The following PIK3C2G variants were observed in gnomAD, a reference collection of about 807,000 sequenced individuals.
PIK3C2G encodes phosphatidylinositol-4-phosphate 3-kinase catalytic subunit type 2 gamma.
PIK3C2G carries 168 observed loss-of-function variants against 181.1 expected under a neutral mutation model. That is an observed-to-expected ratio of 0.93 (90% CI 0.82 to 1.05). The LOEUF (loss-of-function observed/expected upper bound fraction) is 1.05. PIK3C2G is among the 50% of genes least tolerant of loss of function. The pLI is 0.00. For missense variants in PIK3C2G, 1,869 were observed against 1,732.8 expected (o/e 1.08, Z -1.40); for synonymous variants, 573 against 592.2 (o/e 0.97, Z 0.47).
intron 15 of PIK3C2G, among the ~76,000 whole-genome samples, chr12:18,395,317 C>A (rs1943812272): frequency 6.9e-6 from 1 of 144,716 alleles, no homozygotes. Flanking sequence ...TAAATACAGG[C>A]CTCTCATCAA....
At chr12:18,293,545 G>A (rs1261243585) in intron 4 of PIK3C2G, among the ~76,000 whole-genome samples, 1 of 152,044 alleles carries the variant, frequency 6.6e-6, no homozygotes, top group Admixed American at 6.6e-5. Context: ...TGGAACTTTT[G>A]CCTGGCTATA....
At chr12:18,480,227 C>T (rs1346838169) in intron 18 of PIK3C2G, among the ~76,000 whole-genome samples, 5 of 152,100 alleles carry the variant, frequency 3.3e-5, no homozygotes, top group Non-Finnish European at 7.4e-5. Context: ...AATTAACAAG[C>T]ATATACGGAG....
intron 24 of PIK3C2G, among the ~76,000 whole-genome samples, chr12:18,515,950 T>G (rs1265456803): frequency 6.6e-6 from 1 of 152,086 alleles, no homozygotes; most frequent in East Asian, 1.9e-4. Flanking sequence ...TTAAATTTTC[T>G]ATTTAACTTT....
At chr12:18,388,200 G>A (rs1019070824) in intron 14 of PIK3C2G, among the ~76,000 whole-genome samples, 1 of 151,668 alleles carries the variant, frequency 6.6e-6, no homozygotes, top group African/African-American at 2.4e-5. Context: ...TTGCCACCCA[G>A]TTAGCAGTTA....
intron 18 of PIK3C2G, among the ~76,000 whole-genome samples, chr12:18,434,435 T>G (rs765858606): frequency 6.6e-6 from 1 of 152,130 alleles, no homozygotes; most frequent in African/African-American, 2.4e-5. Context: ...TCATAGCATA[T>G]AATCATAGAA....
chr12:18,671,091 T>G, the PIK3C2G span, among the ~76,000 whole-genome samples: 34 of 151,228 alleles, frequency 2.2e-4, no homozygotes, highest in African/African-American at 6.6e-4. Context: ...GCAGGAGAAT[T>G]ACTTGAGCCT....
At chr12:18,338,256 AG>A (rs1440351768) in intron 8 of PIK3C2G, among the ~76,000 whole-genome samples, 169 bp from the exon 9 acceptor site, 3 of 152,312 alleles carry the variant, frequency 2.0e-5, no homozygotes, top group African/African-American at 7.2e-5. Flanking sequence ...TGAAAATTAA[AG>A]CCCCAGTCAC....
intron 11 of PIK3C2G, among the ~76,000 whole-genome samples, chr12:18,348,453 G>A (rs1423616239): frequency 1.3e-5 from 2 of 151,912 alleles, no homozygotes; most frequent in Admixed American, 1.3e-4. Flanking sequence ...AGGTAGATGT[G>A]TACATATGTA....
chr12:18,567,610 T>G (rs1945705979), intron 29 of PIK3C2G, among the ~76,000 whole-genome samples: 1 of 151,694 alleles, frequency 6.6e-6, no homozygotes, highest in South Asian at 2.1e-4. Context: ...GTAAGAATCA[T>G]TCCCGATGCA....
rs151326004 is a variant in PIK3C2G at position 18,423,334 on chromosome 12, C to A, written c.2410-611C>A. Among the ~76,000 whole-genome samples, 758 of 152,104 alleles carry A rather than the reference C, an allele frequency of 5.0e-3. 7 individuals carry two copies. Among genetic ancestry groups the A allele is most frequent in the African/African-American group, 0.017 (709 of 41,492 alleles). On this transcript the variant is annotated intron_variant, in intron 17 of 32. Transcript: ENST00000538779. Reference sequence around the variant, plus strand: ...CAGATTCCTGTCAGTGAAGTCCCTGCAGAGGACAGATGAAGCCCTAAATTA... The same window carrying A: ...CAGATTCCTGTCAGTGAAGTCCCTGAAGAGGACAGATGAAGCCCTAAATTA...
At chr12:18,243,421 A>C (rs2136921805), upstream of PIK3C2G, among the ~76,000 whole-genome samples, 1 of 152,220 alleles carries the variant, frequency 6.6e-6, no homozygotes, top group Non-Finnish European at 1.5e-5. Context: ...GCACCATCCC[A>C]GAAAGGTTAA....
intron 18 of PIK3C2G, among the ~76,000 whole-genome samples, chr12:18,434,223 C>CT (rs928405387): frequency 6.6e-6 from 1 of 152,102 alleles, no homozygotes; most frequent in Non-Finnish European, 1.5e-5. Flanking sequence ...TTTTGGGAGA[C>CT]TTTTTTATAA....
intron 15 of PIK3C2G, among the ~76,000 whole-genome samples, chr12:18,394,122 G>A (rs1418503712): frequency 1.3e-5 from 2 of 152,046 alleles, no homozygotes; most frequent in African/African-American, 4.8e-5. Flanking sequence ...TGACCAATAA[G>A]AATGGAGAAA....
chr12:18,693,210 G>A, the PIK3C2G span: 3 of 1,572,552 alleles, frequency 1.9e-6, no homozygotes, highest in Non-Finnish European at 8.7e-7. Flanking sequence ...GGATCTTCTG[G>A]AACCTGGCTG....
At chr12:18,542,931 G>A (rs1356954324) in intron 25 of PIK3C2G, among the ~76,000 whole-genome samples, 47 of 152,012 alleles carry the variant, frequency 3.1e-4, no homozygotes, top group Admixed American at 3.1e-3. Flanking sequence ...GTGTCTAATG[G>A]TAGTTCTGCT....
At chr12:18,538,032 T>G (rs1943950142) in intron 24 of PIK3C2G, 124 bp from the exon 25 acceptor site, 1 of 813,252 alleles carries the variant, frequency 1.2e-6, no homozygotes, top group Non-Finnish European at 1.9e-6. Flanking sequence ...TGAAGGAAAT[T>G]TATCTATTAC....
At chr12:18,377,831 C>CAT (rs896470413) in intron 13 of PIK3C2G, among the ~76,000 whole-genome samples, 17 of 152,018 alleles carry the variant, frequency 1.1e-4, no homozygotes, top group Admixed American at 4.6e-4. Flanking sequence ...ATAAATATTA[C>CAT]ATATATATAT....
At chr12:18,567,535 T>C (rs919936129) in intron 29 of PIK3C2G, among the ~76,000 whole-genome samples, 1 of 151,984 alleles carries the variant, frequency 6.6e-6, no homozygotes, top group African/African-American at 2.4e-5. Flanking sequence ...TTCAAATAAC[T>C]TCAATGAAAT....
At chr12:18,313,836 A>G in intron 5 of PIK3C2G, 126 bp from the exon 6 acceptor site, 1 of 613,874 alleles carries the variant, frequency 1.6e-6, no homozygotes, top group East Asian at 2.8e-5. Flanking sequence ...ACACGCACAC[A>G]CACGCACACA....
Sources: gnomAD v4.1 joint callset for allele counts (sites outside exome capture counted in the v4.1 genomes callset) on GRCh38, gnomAD v4.1.1 for gene constraint, MANE v1.5 for transcripts, NCBI Gene and HGNC (gene_info 2026-07-23, HGNC 2026-07-21) for gene names.